ZFPM2: variants seen among roughly 807,000 people sequenced by gnomAD.
The protein encoded by ZFPM2 is zinc finger protein ZFPM2.
ZFPM2 carries 20 observed loss-of-function variants against 98.6 expected under a neutral mutation model. That is an observed-to-expected ratio of 0.20 (90% CI 0.14 to 0.29). The LOEUF (loss-of-function observed/expected upper bound fraction) is 0.29. ZFPM2 is among the 10% of genes least tolerant of loss of function. The pLI, the probability that ZFPM2 is intolerant of heterozygous loss-of-function variation, is 1.00. For missense variants in ZFPM2, 1,310 were observed against 1,388.6 expected (o/e 0.94, Z 0.90); for synonymous variants, 518 against 502.7 (o/e 1.03, Z -0.41).
rs368076722 is a variant in ZFPM2 at position 105,791,259 on chromosome 8, C to T, written c.739+2335C>T. ...AGATAGCTCTTATTATTTTGAGATACGTCCCATCAATACCTAATTTATTGA... is the reference window on the plus strand; with the variant it reads ...AGATAGCTCTTATTATTTTGAGATATGTCCCATCAATACCTAATTTATTGA... On this transcript the variant is annotated intron_variant, in intron 6 of 7. Transcript: ENST00000407775. Among the ~76,000 whole-genome samples the T allele has an allele frequency of 8.3e-3, 1,255 of 151,956 alleles. 5 individuals carry two copies. Among genetic ancestry groups the T allele is most frequent in the Middle Eastern group, 0.014 (4 of 294 alleles).
chr8:105,349,146 T>C (rs1361779416), intron 1 of ZFPM2, among the ~76,000 whole-genome samples: 4 of 140,122 alleles, frequency 2.9e-5, no homozygotes, highest in Non-Finnish European at 6.4e-5. Context: ...TGCATTAATA[T>C]TAACTGATTA....
At chr8:105,775,137 A>T (rs945935857) in intron 5 of ZFPM2, among the ~76,000 whole-genome samples, 1 of 152,006 alleles carries the variant, frequency 6.6e-6, no homozygotes, top group Non-Finnish European at 1.5e-5. Flanking sequence ...TGACAAAGGA[A>T]TAGAGAGGTT....
At chr8:105,710,528 A>G (rs1407429756) in intron 5 of ZFPM2, among the ~76,000 whole-genome samples, 1 of 152,198 alleles carries the variant, frequency 6.6e-6, no homozygotes, top group Non-Finnish European at 1.5e-5. Flanking sequence ...CCTATAGTCT[A>G]TCTTCAAATT....
chr8:105,359,367 C>CTTTTTTTTTTTTTTTTTT (rs111675257), intron 1 of ZFPM2, among the ~76,000 whole-genome samples: 1 of 135,356 alleles, frequency 7.4e-6, no homozygotes. Context: ...CTTTTTCTTT[C>CTTTTTTTTTTTTTTTTTT]TTTTTTTTTT....
At chr8:105,795,677 C>T in intron 6 of ZFPM2, 1 of 350,300 alleles carries the variant, frequency 2.9e-6, no homozygotes, top group Non-Finnish European at 5.5e-6. Flanking sequence ...TTTAAGTACA[C>T]CCTGGCAAAT....
chr8:105,362,105 G>A (rs992786653), intron 1 of ZFPM2, among the ~76,000 whole-genome samples: 2 of 151,758 alleles, frequency 1.3e-5, no homozygotes, highest in South Asian at 2.1e-4. Context: ...TAAATCCTAC[G>A]GTATATTATT....
chr8:105,535,404 AT>A (rs1814428199), intron 3 of ZFPM2, among the ~76,000 whole-genome samples: 1 of 152,190 alleles, frequency 6.6e-6, no homozygotes, highest in African/African-American at 2.4e-5. Flanking sequence ...TTAAACCCAA[AT>A]ATCAGCAGAG....
intron 3 of ZFPM2, among the ~76,000 whole-genome samples, chr8:105,559,065 A>C (rs974096406): frequency 1.3e-5 from 2 of 151,536 alleles, no homozygotes; most frequent in Admixed American, 1.3e-4. Flanking sequence ...CTGACATCAG[A>C]GTAGATTGTT....
At chr8:105,441,380 C>G (rs183525253) in intron 2 of ZFPM2, among the ~76,000 whole-genome samples, 1 of 141,570 alleles carries the variant, frequency 7.1e-6, no homozygotes, top group Non-Finnish European at 1.5e-5. Context: ...TCTGATAATC[C>G]GAACAGGCAA....
intron 5 of ZFPM2, among the ~76,000 whole-genome samples, chr8:105,636,382 G>C (rs1465933358): frequency 6.6e-6 from 1 of 152,140 alleles, no homozygotes. Context: ...GTCCAACTAT[G>C]TGCTAACCTT....
intron 3 of ZFPM2, among the ~76,000 whole-genome samples, chr8:105,469,618 A>T (rs906981533): frequency 2.0e-5 from 3 of 152,184 alleles, no homozygotes; most frequent in African/African-American, 7.2e-5. Flanking sequence ...CAAGTCCCTT[A>T]ATCTTTATGT....
In ZFPM2 at chr8:105,360,535, C is replaced by T. The variant is rs905673215; in HGVS notation, c.40+41554C>T. ...ATGCGCACAATGTGCAAGTTAGTTACGTATGTATACGTGTGCCATGCTGGT... is the reference window on the plus strand; with the variant it reads ...ATGCGCACAATGTGCAAGTTAGTTATGTATGTATACGTGTGCCATGCTGGT... On this transcript the variant is annotated intron_variant, in intron 1 of 7. Transcript: ENST00000407775. Among the ~76,000 whole-genome samples the T allele has an allele frequency of 3.3e-5, 5 of 152,016 alleles. No individual in the cohort carries two copies. In the East Asian group the frequency reaches 5.8e-4, roughly 18 times the overall value.
At chr8:105,413,748 T>A (rs1811626560) in intron 1 of ZFPM2, among the ~76,000 whole-genome samples, 1 of 151,778 alleles carries the variant, frequency 6.6e-6, no homozygotes. Context: ...GAGAAATGTA[T>A]CCCATTGACA....
intron 3 of ZFPM2, among the ~76,000 whole-genome samples, chr8:105,525,740 A>C (rs1814161032): frequency 6.6e-6 from 1 of 152,200 alleles, no homozygotes; most frequent in Admixed American, 6.5e-5. Context: ...TGTTATATAA[A>C]ATATATGTCC....
chr8:105,410,838 C>T (rs774893367), intron 1 of ZFPM2, among the ~76,000 whole-genome samples: 2 of 151,732 alleles, frequency 1.3e-5, no homozygotes, highest in South Asian at 2.1e-4. Flanking sequence ...CTTTCTTACT[C>T]ATAAGTGCTT....
chr8:105,416,818 G>T (rs1288277035), intron 1 of ZFPM2, among the ~76,000 whole-genome samples: 1 of 151,940 alleles, frequency 6.6e-6, no homozygotes. Flanking sequence ...AGTAATTTGC[G>T]AAGAGCAGCA....
intron 5 of ZFPM2, among the ~76,000 whole-genome samples, chr8:105,656,292 C>T (rs192830329): frequency 1.4e-4 from 21 of 152,308 alleles, no homozygotes; most frequent in Admixed American, 2.0e-4. Flanking sequence ...CCCCTGGAAA[C>T]TATTGAATTT....
intron 4 of ZFPM2, among the ~76,000 whole-genome samples, chr8:105,633,018 AT>A (rs1816781524): frequency 6.6e-6 from 1 of 152,160 alleles, no homozygotes; most frequent in Non-Finnish European, 1.5e-5. Flanking sequence ...GTCAGCATTC[AT>A]TTTATGCATA....
At chr8:105,534,920 A>G (rs768151787) in intron 3 of ZFPM2, among the ~76,000 whole-genome samples, 1 of 152,164 alleles carries the variant, frequency 6.6e-6, no homozygotes, top group Non-Finnish European at 1.5e-5. Context: ...CAAATGACCA[A>G]AGAAAAATCT....
Sources: gnomAD v4.1 joint callset for allele counts (sites outside exome capture counted in the v4.1 genomes callset) on GRCh38, gnomAD v4.1.1 for gene constraint, MANE v1.5 for transcripts, NCBI Gene and HGNC (gene_info 2026-07-23, HGNC 2026-07-21) for gene names.